The following NEMP2 variants were observed in gnomAD, a reference collection of about 807,000 sequenced individuals.
NEMP2 encodes the protein UPF0571 transmembrane protein.
Under a neutral mutation model 54.2 loss-of-function variants are expected in NEMP2, and 53 were observed. That is an observed-to-expected ratio of 0.98 (90% CI 0.78 to 1.23). NEMP2 has a LOEUF of 1.23. NEMP2 is among the 50% of genes most tolerant of loss of function. The probability of loss-of-function intolerance (pLI) is 0.00; values close to 1 mark genes in which losing one functional copy is unlikely to be tolerated. For synonymous variants in NEMP2, 197 were observed against 190.3 expected (o/e 1.04, Z -0.29); for missense variants, 455 against 511.3 (o/e 0.89, Z 1.06).
chr2:190,606,471 G>A, the NEMP2 span, among the ~76,000 whole-genome samples: 1 of 152,340 alleles, frequency 6.6e-6, no homozygotes, highest in Non-Finnish European at 1.5e-5. Context: ...CAGCACTTTG[G>A]GAGGCCAAGG....
rs1690214275 is a variant in NEMP2, at chr2:190,507,345, C to T, written c.*1844G>A. 1 of 152,204 alleles carries T rather than the reference C, an allele frequency of 6.6e-6. No homozygotes were observed. The highest frequency in any genetic ancestry group is 2.1e-4 in the South Asian group (1 of 4,830). The allele number at this position is 152,204 out of a possible 1,614,324, so 9.4% of individuals were successfully genotyped here. On this transcript the variant is annotated 3_prime_UTR_variant, in exon 9 of 9. Coordinates refer to ENST00000409150, the MANE Select transcript of NEMP2 (RefSeq NM_001142645.2). This position sits in a 1 kb window ranked among gnomAD's most constrained non-coding sequence, Gnocchi z 4.4. ...TCAGCAGTACCTCTTCCCCCTGGCCCAGCGGCTGTCCTGGCTGGGATGTAC... is the reference window on the plus strand; with the variant it reads ...TCAGCAGTACCTCTTCCCCCTGGCCTAGCGGCTGTCCTGGCTGGGATGTAC...
At chr2:190,612,392 G>A in the NEMP2 span, among the ~76,000 whole-genome samples, 25 of 152,204 alleles carry the variant, frequency 1.6e-4, no homozygotes, top group South Asian at 2.1e-4. Flanking sequence ...CTGACCTCGT[G>A]ATCTGCCCTC....
rs940883404 is a variant in NEMP2 at position 190,512,046 on chromosome 2, G to T, written c.954-1509C>A. Reference sequence around the variant, plus strand: ...TCTATTATCTTTTAAAGATCTTATAGTTGATGAGCTAGATCAAGGAAACAG... The same window carrying T: ...TCTATTATCTTTTAAAGATCTTATATTTGATGAGCTAGATCAAGGAAACAG... On this transcript the variant is annotated intron_variant, in intron 7 of 8. Coordinates refer to ENST00000409150, the MANE Select transcript of NEMP2 (RefSeq NM_001142645.2). The surrounding 1 kb of genome is among the most constrained non-coding windows in gnomAD (Gnocchi z 4.5). 6.6e-6 allele frequency among the ~76,000 whole-genome samples: 1 copy of T among 151,722 alleles called. No individual in the cohort carries two copies. Among genetic ancestry groups the T allele is most frequent in the African/African-American group, 2.4e-5 (1 of 41,310 alleles).
At position 190,528,136 on chromosome 2, in the gene NEMP2, A is replaced by G. The variant is rs1396191123; in HGVS notation, c.98-2758T>C. On this transcript the variant is annotated intron_variant, in intron 1 of 8. Coordinates refer to ENST00000409150, the MANE Select transcript of NEMP2 (RefSeq NM_001142645.2). The surrounding 1 kb of genome is among the most constrained non-coding windows in gnomAD (Gnocchi z 4.3). ...CCAATGCTGAGGCACATTTTTGAATATATCTGAGATGCAAATGACTTCTGG... is the reference window on the plus strand; with the variant it reads ...CCAATGCTGAGGCACATTTTTGAATGTATCTGAGATGCAAATGACTTCTGG... Among the ~76,000 whole-genome samples the G allele has an allele frequency of 6.6e-6, 1 of 152,224 alleles. No individual in the cohort carries two copies. Among genetic ancestry groups the G allele is most frequent in the East Asian group, 1.9e-4 (1 of 5,196 alleles).
At chr2:190,549,404 TG>T in the NEMP2 span, among the ~76,000 whole-genome samples, 4 of 152,206 alleles carry the variant, frequency 2.6e-5, no homozygotes, top group African/African-American at 9.6e-5. Flanking sequence ...TATAAGGAAA[TG>T]GATCTCCTCA....
the NEMP2 span, among the ~76,000 whole-genome samples, chr2:190,471,424 C>T: frequency 5.3e-5 from 8 of 152,292 alleles, no homozygotes; most frequent in Admixed American, 1.3e-4. This position sits in a 1 kb window ranked among gnomAD's most constrained non-coding sequence, Gnocchi z 4.7. Context: ...TCTTAGCAAA[C>T]GGCACACTAG....
At chr2:190,441,805 A>G in the NEMP2 span, among the ~76,000 whole-genome samples, 3 of 151,998 alleles carry the variant, frequency 2.0e-5, no homozygotes, top group Non-Finnish European at 2.9e-5. Flanking sequence ...GAGCTCCAAC[A>G]ACATTCTCTC....
the NEMP2 span, among the ~76,000 whole-genome samples, chr2:190,581,982 G>A: frequency 1.3e-5 from 2 of 152,122 alleles, no homozygotes; most frequent in African/African-American, 2.4e-5. Context: ...CTGGTAGTGC[G>A]GCATTTACCA....
chr2:190,535,208 CCTTT>C (rs1407996243), upstream of NEMP2: 1 of 152,172 alleles, frequency 6.6e-6, no homozygotes, highest in African/African-American at 2.4e-5. Flanking sequence ...CTTTATTTTA[CCTTT>C]CTGTTTATCT....
At chr2:190,449,710 T>C in the NEMP2 span, among the ~76,000 whole-genome samples, 1 of 152,068 alleles carries the variant, frequency 6.6e-6, no homozygotes, top group Non-Finnish European at 1.5e-5. Context: ...TCATGTCCTT[T>C]GTAGGGACAT....
At chr2:190,643,875 C>T in the NEMP2 span, among the ~76,000 whole-genome samples, 9 of 152,094 alleles carry the variant, frequency 5.9e-5, no homozygotes, top group Non-Finnish European at 1.2e-4. Flanking sequence ...CAGTGAAAGC[C>T]ATGATTGTGC....
rs1215045419 is a variant in NEMP2 at position 190,514,541 on chromosome 2, C to T, written c.865G>A (p.Val289Met). The change falls in exon 7 of 9, where the codon GTG (valine) becomes ATG (methionine). Residue 289 changes from valine to methionine, a missense_variant. Transcript: ENST00000409150. This position sits in a 1 kb window ranked among gnomAD's most constrained non-coding sequence, Gnocchi z 5.7. ...SLVLVYAGVA[V>M]PQFAYAAIIL... ...ATGGCTGCATAGGCAAACTGAGGCACGGCCACACCAGCATAGACCAGAACC... is the reference window on the plus strand; with the variant it reads ...ATGGCTGCATAGGCAAACTGAGGCATGGCCACACCAGCATAGACCAGAACC... 1.9e-6 allele frequency: 3 copies of T among 1,551,692 alleles called. No individual in the cohort carries two copies. Among genetic ancestry groups the T allele is most frequent in the South Asian group, 1.2e-5 (1 of 84,054 alleles).
the NEMP2 span, among the ~76,000 whole-genome samples, chr2:190,467,693 T>A: frequency 6.6e-6 from 1 of 152,190 alleles, no homozygotes; most frequent in Non-Finnish European, 1.5e-5. This position sits in a 1 kb window ranked among gnomAD's most constrained non-coding sequence, Gnocchi z 5.5. Flanking sequence ...CTGCTGCCTG[T>A]TTTTATATGG....
the NEMP2 span, among the ~76,000 whole-genome samples, chr2:190,486,460 C>T: frequency 2.0e-5 from 3 of 152,226 alleles, no homozygotes; most frequent in Non-Finnish European, 2.9e-5. Context: ...GCTCCCTAGA[C>T]TCTTGGCTAG....
the NEMP2 span, among the ~76,000 whole-genome samples, chr2:190,457,359 G>A: frequency 6.6e-6 from 1 of 152,050 alleles, no homozygotes; most frequent in Non-Finnish European, 1.5e-5. This position sits in a 1 kb window ranked among gnomAD's most constrained non-coding sequence, Gnocchi z 5.1. Flanking sequence ...TCTTTGGCTG[G>A]TTTTAGTATG....
the NEMP2 span, chr2:190,477,396 G>T: frequency 4.0e-5 from 38 of 959,396 alleles, no homozygotes; most frequent in East Asian, 2.6e-3. Context: ...CTACAGAAAA[G>T]AAATGACTAT....
chr2:190,541,105 C>G, the NEMP2 span, among the ~76,000 whole-genome samples: 1 of 151,728 alleles, frequency 6.6e-6, no homozygotes, highest in African/African-American at 2.4e-5. The surrounding 1 kb of genome is among the most constrained non-coding windows in gnomAD (Gnocchi z 5.2). Flanking sequence ...TTTGGGTCTT[C>G]TCTTCTGAAT....
the NEMP2 span, among the ~76,000 whole-genome samples, chr2:190,585,757 T>A: frequency 6.6e-6 from 1 of 152,162 alleles, no homozygotes; most frequent in African/African-American, 2.4e-5. This position sits in a 1 kb window ranked among gnomAD's most constrained non-coding sequence, Gnocchi z 5.3. Context: ...TCTGCCTTCC[T>A]CGAGATATGG....
chr2:190,554,397 A>G, the NEMP2 span, among the ~76,000 whole-genome samples: 2 of 152,152 alleles, frequency 1.3e-5, no homozygotes, highest in African/African-American at 4.8e-5. This position sits in a 1 kb window ranked among gnomAD's most constrained non-coding sequence, Gnocchi z 5.7. Context: ...GCAAGCTAAG[A>G]TCCACTGGCT....
Sources: allele counts gnomAD v4.1 joint callset (sites outside exome capture counted in the v4.1 genomes callset), GRCh38; gene constraint gnomAD v4.1.1; non-coding constraint Gnocchi (gnomAD v3.1); transcripts MANE v1.5; gene names NCBI Gene and HGNC (gene_info 2026-07-23, HGNC 2026-07-21).